MRGPRX3: variants seen among roughly 807,000 people sequenced by gnomAD.
MRGPRX3 encodes MAS related GPR family member X3, also known as mas-related G protein-coupled receptor member X3.
Under a neutral mutation model 16.5 loss-of-function variants are expected in MRGPRX3, and 14 were observed. The observed-to-expected ratio is 0.85, with a 90% CI of 0.56 to 1.33. The LOEUF (loss-of-function observed/expected upper bound fraction) is 1.33, where lower values mean the gene tolerates loss of function less well. Among genes scored for constraint, MRGPRX3 ranks in the 40% most tolerant of loss-of-function variants. The pLI is 0.00. For missense variants in MRGPRX3, 449 were observed against 413.0 expected (o/e 1.09, Z -0.76); for synonymous variants, 199 against 180.1 (o/e 1.10, Z -0.84).
upstream of MRGPRX3, among the ~76,000 whole-genome samples, chr11:18,131,642 A>G (rs992454824): frequency 1.3e-5 from 2 of 152,188 alleles, no homozygotes; most frequent in African/African-American, 4.8e-5. Context: ...TTAAGGAACT[A>G]AAAGTAGATC....
intron 1 of MRGPRX3, among the ~76,000 whole-genome samples, chr11:18,136,914 A>G (rs1040550898): frequency 6.6e-6 from 1 of 152,206 alleles, no homozygotes; most frequent in African/African-American, 2.4e-5. Context: ...AGCACTGGCT[A>G]GATGAGTGGG....
At chr11:18,124,501 C>T (rs973757948) in intron 1 of MRGPRX3, among the ~76,000 whole-genome samples, 13 of 151,842 alleles carry the variant, frequency 8.6e-5, no homozygotes, top group South Asian at 2.1e-4. Flanking sequence ...TATTGATTTG[C>T]GTGTGTTGAA....
upstream of MRGPRX3, among the ~76,000 whole-genome samples, chr11:18,130,496 A>G (rs568850005): frequency 1.3e-5 from 2 of 152,192 alleles, no homozygotes; most frequent in African/African-American, 2.4e-5. Flanking sequence ...AAGGAAAACT[A>G]CAAAACACAG....
rs369169253 is a variant in MRGPRX3 at position 18,137,755 on chromosome 11, G to T, written c.553G>T (p.Val185Phe). Reference protein sequence around the residue: ...TSDFITIAWLVFLCVVLCGSS... With the variant: ...TSDFITIAWLFFLCVVLCGSS... ...AGATTTCATTACAATCGCGTGGCTG[G>T]TTTTTTTATGTGTGGTTCTCTGTGG... is the stretch of plus-strand genomic sequence containing the variant. Residue 185 changes from valine (V) to phenylalanine (F), a missense_variant, in exon 2 of 2, where the codon GTT becomes TTT. Physicochemically the swap from Val to Phe is conservative, Grantham distance 50. Coordinates refer to ENST00000621697, the MANE Select transcript of MRGPRX3 (RefSeq NM_001370464.1). 5 of 1,614,036 alleles carry T rather than the reference G, an allele frequency of 3.1e-6. No homozygotes were observed. The African/African-American group carries it at 5.3e-5, about 17-fold the overall frequency.
chr11:18,137,162 T>G lies in MRGPRX3; in HGVS notation c.-25-16T>G. 6.5e-7 allele frequency: 1 copy of G among 1,548,278 alleles called. No homozygotes were observed. The highest frequency in any genetic ancestry group is 8.7e-7 in the Non-Finnish European group (1 of 1,146,196). On this transcript the variant is annotated splice_polypyrimidine_tract_variant and intron_variant, in intron 1 of 1. Coordinates refer to ENST00000621697, the MANE Select transcript of MRGPRX3 (RefSeq NM_001370464.1). ...AGATCAAACAGCTGGTGATCACATC[T>G]GGTTTCTGTTTCCAGGGTCATCAGA...
In MRGPRX3 at chr11:18,137,290, T is replaced by C. The variant is rs2134086299; in HGVS notation, c.88T>C (p.Phe30Leu). ...TCCTTGCTACAAGCAGACCCTGAGC[T>C]TCACGGGGCTGACGTGCATCGTTTC... ...ETPCYKQTLSFTGLTCIVSLV... is the reference protein window; with the variant it reads ...ETPCYKQTLSLTGLTCIVSLV... The change falls in exon 2 of 2, where the codon TTC (phenylalanine) becomes CTC (leucine). Residue 30 changes from phenylalanine to leucine, a missense_variant. By Grantham distance (22) the Phe-to-Leu change is conservative (BLOSUM62 0). Transcript: ENST00000621697. The C allele has an allele frequency of 4.3e-6, 7 of 1,614,126 alleles. No homozygotes were observed. The highest frequency in any genetic ancestry group is 5.9e-6 in the Non-Finnish European group (7 of 1,180,018).
chr11:18,126,075 C>T (rs1267320161), intron 1 of MRGPRX3, among the ~76,000 whole-genome samples: 1 of 152,124 alleles, frequency 6.6e-6, no homozygotes, highest in Non-Finnish European at 1.5e-5. Flanking sequence ...TATTTTGAGC[C>T]TATCTGTGTC....
chr11:18,138,121 T>C lies in MRGPRX3; in HGVS notation c.919T>C (p.Trp307Arg), dbSNP rs79562368. The C allele has an allele frequency of 0.069, 111,553 of 1,613,786 alleles. 4,361 individuals are homozygous for C. The highest frequency in any genetic ancestry group is 0.11 in the Middle Eastern group (644 of 6,060). ...DTPEVDEGGG[W>R]LPQETLELSG... The stretch of plus-strand genomic sequence containing the variant: ...GCCTGAGGTGGATGAAGGTGGAGGG[T>C]GGCTTCCTCAGGAAACCCTGGAGCT... Residue 307 changes from tryptophan (W) to arginine (R), a missense_variant, in exon 2 of 2, where the codon TGG (tryptophan) becomes CGG (arginine). Transcript: ENST00000621697.
At chr11:18,128,538 G>A (rs1364478999), upstream of MRGPRX3, among the ~76,000 whole-genome samples, 3 of 152,210 alleles carry the variant, frequency 2.0e-5, no homozygotes, top group Non-Finnish European at 4.4e-5. Flanking sequence ...TACTGTGCTA[G>A]CAATGAGCGA....
chr11:18,129,792 G>GCTAACC (rs1292405293), upstream of MRGPRX3, among the ~76,000 whole-genome samples: 2 of 152,266 alleles, frequency 1.3e-5, no homozygotes, highest in Non-Finnish European at 2.9e-5. Context: ...CAAAATACTA[G>GCTAACC]CTAACCCAAT....
rs1849031820 is a variant in MRGPRX3 at position 18,138,076 on chromosome 11, C to A, written c.874C>A (p.Gln292Lys). The A allele has an allele frequency of 6.2e-7, 1 of 1,614,060 alleles. No homozygotes were observed. Among genetic ancestry groups the A allele is most frequent in the Admixed American group, 1.7e-5 (1 of 60,006 alleles). ...QNRQNLKLVLQRALQDTPEVD... is the reference protein window; with the variant it reads ...QNRQNLKLVLKRALQDTPEVD... ...TAGGCAGAACCTGAAGCTGGTTCTCCAGAGGGCTCTGCAGGACACGCCTGA... is the reference window on the plus strand; with the variant it reads ...TAGGCAGAACCTGAAGCTGGTTCTCAAGAGGGCTCTGCAGGACACGCCTGA... The change falls in exon 2 of 2, where the codon CAG becomes AAG. Residue 292 changes from glutamine (Q) to lysine (K), a missense_variant. By Grantham distance (53) the Gln-to-Lys change is moderately conservative (BLOSUM62 1). Coordinates refer to ENST00000621697, the MANE Select transcript of MRGPRX3 (RefSeq NM_001370464.1).
chr11:18,132,054 GAAATAA>G (rs1848965678), upstream of MRGPRX3, among the ~76,000 whole-genome samples: 1 of 152,046 alleles, frequency 6.6e-6, no homozygotes, highest in Non-Finnish European at 1.5e-5. Flanking sequence ...AAATCCCAAT[GAAATAA>G]AAATAATAAT....
upstream of MRGPRX3, among the ~76,000 whole-genome samples, chr11:18,128,380 A>C (rs1363516686): frequency 6.6e-6 from 1 of 152,214 alleles, no homozygotes; most frequent in Non-Finnish European, 1.5e-5. Context: ...CCAGAGGTGG[A>C]GTTTACAGAG....
upstream of MRGPRX3, among the ~76,000 whole-genome samples, chr11:18,129,550 A>T (rs554961778): frequency 5.3e-5 from 8 of 152,246 alleles, no homozygotes; most frequent in African/African-American, 9.6e-5. Flanking sequence ...ATTTTTTTTT[A>T]AATTGCCAAC....
Position 18,137,899 on chromosome 11 carries a change from G to T in MRGPRX3, c.697G>T (p.Gly233Cys), listed in dbSNP as rs1168915171. Residue 233 changes from glycine (G) to cysteine (C), a missense_variant, in exon 2 of 2, where the codon GGC becomes TGC. Transcript: ENST00000621697. ...CTTCCTCCTCTGTGGCCTGCCCTTT[G>T]GCATTCAGTGGGCCCTGTTTTCCAG... The part of the protein sequence containing the change: ...LVFLLCGLPF[G>C]IQWALFSRIH... 1.2e-6 allele frequency: 2 copies of T among 1,614,164 alleles called. No individual in the cohort carries two copies. Among genetic ancestry groups the T allele is most frequent in the South Asian group, 2.2e-5 (2 of 91,078 alleles).
intron 1 of MRGPRX3, among the ~76,000 whole-genome samples, chr11:18,126,193 T>G (rs1229531206): frequency 6.6e-6 from 1 of 152,204 alleles, no homozygotes; most frequent in Admixed American, 6.5e-5. Context: ...CCCATTTAAA[T>G]TTAAGGTTAA....
chr11:18,133,929 G>A (rs1442094287), intron 1 of MRGPRX3, among the ~76,000 whole-genome samples: 2 of 152,130 alleles, frequency 1.3e-5, no homozygotes, highest in Non-Finnish European at 2.9e-5. Flanking sequence ...CACTGATGTG[G>A]TACATAGAAG....
rs952527391 is a variant in MRGPRX3, at chr11:18,122,105, A to G, written c.-152+941A>G. Reference sequence around the variant, plus strand: ...TGCAAGGATATGTTTATGATGCAAAAAAAACTGCATTGCTTGCATGCAAAA... The same window carrying G: ...TGCAAGGATATGTTTATGATGCAAAGAAAACTGCATTGCTTGCATGCAAAA... On this transcript the variant is annotated intron_variant, in intron 1 of 2. Coordinates refer to the MRGPRX3 transcript ENST00000396275. Among the ~76,000 whole-genome samples the G allele has an allele frequency of 2.7e-5, 4 of 145,944 alleles. No individual in the cohort carries two copies. The East Asian group carries it at 7.9e-4, about 29-fold the overall frequency.
rs7932708 is a variant in MRGPRX3, at chr11:18,137,254, C to T, written c.52C>T (p.Arg18Cys). Residue 18 changes from arginine to cysteine, a missense_variant, in exon 2 of 2, where the codon CGT (arginine) becomes TGT (cysteine). Arg to Cys is a radical substitution (Grantham distance 180). Transcript: ENST00000621697. Reference protein sequence around the residue: ...LGTELTPINGREETPCYKQTL... With the variant: ...LGTELTPINGCEETPCYKQTL... ...TACAGAACTGACACCAATCAACGGA[C>T]GTGAGGAGACTCCTTGCTACAAGCA... 3.1e-4 allele frequency: 504 copies of T among 1,613,516 alleles called. 2 individuals are homozygous for T. In the African/African-American group the frequency reaches 5.1e-3, roughly 16 times the overall value.
Sources: gnomAD v4.1 joint callset for allele counts (sites outside exome capture counted in the v4.1 genomes callset) on GRCh38, gnomAD v4.1.1 for gene constraint, MANE v1.5 for transcripts, NCBI Gene and HGNC (gene_info 2026-07-23, HGNC 2026-07-21) for gene names.